The following ABTB3 variants were observed in gnomAD, a reference collection of about 807,000 sequenced individuals.
ABTB3 encodes ankyrin repeat- and BTB/POZ domain-containing protein 3.
the ABTB3 span, among the ~76,000 whole-genome samples, chr12:107,596,896 C>T: frequency 6.6e-6 from 1 of 152,140 alleles, no homozygotes; most frequent in Non-Finnish European, 1.5e-5. Context: ...TAAATAAAAG[C>T]AGAAAACAGC....
the ABTB3 span, among the ~76,000 whole-genome samples, chr12:107,576,083 C>T: frequency 6.6e-6 from 1 of 152,188 alleles, no homozygotes; most frequent in South Asian, 2.1e-4. Flanking sequence ...GCTTTGACCC[C>T]ATCCCCTACT....
chr12:107,439,959 T>C, the ABTB3 span, among the ~76,000 whole-genome samples: 1 of 152,250 alleles, frequency 6.6e-6, no homozygotes, highest in South Asian at 2.1e-4. Context: ...CTTCCCATTG[T>C]GCCTAGAATA....
At chr12:107,593,954 A>G in the ABTB3 span, among the ~76,000 whole-genome samples, 101 of 152,318 alleles carry the variant, frequency 6.6e-4, no homozygotes, top group African/African-American at 2.1e-3. Flanking sequence ...CATAGCTGCA[A>G]GAGATTCTGG....
At chr12:107,373,806 G>A in the ABTB3 span, among the ~76,000 whole-genome samples, 15 of 152,316 alleles carry the variant, frequency 9.8e-5, no homozygotes, top group South Asian at 1.7e-3. Flanking sequence ...GGATGGCCCC[G>A]TAACTCAGCA....
the ABTB3 span, among the ~76,000 whole-genome samples, chr12:107,380,745 T>C: frequency 6.6e-6 from 1 of 152,166 alleles, no homozygotes; most frequent in Non-Finnish European, 1.5e-5. Flanking sequence ...CAATAGTCTC[T>C]AAAACAGGGT....
At chr12:107,594,353 T>C in the ABTB3 span, among the ~76,000 whole-genome samples, 1 of 152,168 alleles carries the variant, frequency 6.6e-6, no homozygotes, top group Non-Finnish European at 1.5e-5. Context: ...CAGGAAGAAT[T>C]GGCAGGGAGG....
chr12:107,442,287 CG>C, the ABTB3 span, among the ~76,000 whole-genome samples: 1 of 152,016 alleles, frequency 6.6e-6, no homozygotes, highest in Admixed American at 6.6e-5. Flanking sequence ...CAGAGTAATT[CG>C]GGTCCTATTA....
chr12:107,454,672 C>T, the ABTB3 span, among the ~76,000 whole-genome samples: 10 of 152,222 alleles, frequency 6.6e-5, no homozygotes, highest in Middle Eastern at 3.4e-3. Context: ...GGCAGGCCCT[C>T]GAGTGGGTGG....
chr12:107,629,582 C>T, the ABTB3 span, among the ~76,000 whole-genome samples: 21 of 152,180 alleles, frequency 1.4e-4, no homozygotes, highest in African/African-American at 4.6e-4. Context: ...ATGCACTAAC[C>T]GGGTACTGTG....
chr12:107,345,490 C>A, the ABTB3 span, among the ~76,000 whole-genome samples: 1 of 151,828 alleles, frequency 6.6e-6, no homozygotes. Context: ...CCAACCCAAA[C>A]TCACTTAAGC....
the ABTB3 span, chr12:107,318,688 G>A: frequency 1.5e-5 from 7 of 470,646 alleles, no homozygotes; most frequent in South Asian, 1.3e-4. Flanking sequence ...CTTCCTTCCC[G>A]GCCTGGCTCG....
At chr12:107,369,026 C>T in the ABTB3 span, among the ~76,000 whole-genome samples, 7 of 152,158 alleles carry the variant, frequency 4.6e-5, no homozygotes, top group Admixed American at 3.3e-4. Flanking sequence ...ATATCACTTT[C>T]CACTCTGCCA....
At chr12:107,452,202 ATT>A in the ABTB3 span, among the ~76,000 whole-genome samples, 452 of 110,174 alleles carry the variant, frequency 4.1e-3, 1 homozygote, top group East Asian at 0.028. Flanking sequence ...GCCCATATGA[ATT>A]TTTTTTTTTT....
the ABTB3 span, among the ~76,000 whole-genome samples, chr12:107,534,659 A>G: frequency 6.6e-6 from 1 of 152,200 alleles, no homozygotes; most frequent in African/African-American, 2.4e-5. Context: ...ACTATTATGA[A>G]TAACTATACA....
At chr12:107,440,756 C>T in the ABTB3 span, among the ~76,000 whole-genome samples, 1 of 151,920 alleles carries the variant, frequency 6.6e-6, no homozygotes, top group African/African-American at 2.4e-5. Context: ...GGAAGGGAGG[C>T]AGGGAAATGA....
chr12:107,648,400 A>G, the ABTB3 span, among the ~76,000 whole-genome samples: 1 of 145,004 alleles, frequency 6.9e-6, no homozygotes, highest in Non-Finnish European at 1.5e-5. Context: ...ACACACACAC[A>G]CACACACACA....
the ABTB3 span, among the ~76,000 whole-genome samples, chr12:107,504,282 T>C: frequency 0.048 from 7,286 of 152,200 alleles, 571 homozygotes; most frequent in African/African-American, 0.16. Context: ...CTGCAAATGG[T>C]AGATTTATGC....
the ABTB3 span, among the ~76,000 whole-genome samples, chr12:107,325,372 A>G: frequency 1.3e-5 from 2 of 152,224 alleles, no homozygotes; most frequent in African/African-American, 4.8e-5. Context: ...CATCTTCTTA[A>G]GAGGAACAAC....
At chr12:107,626,579 A>G in the ABTB3 span, among the ~76,000 whole-genome samples, 1 of 151,710 alleles carries the variant, frequency 6.6e-6, no homozygotes, top group Non-Finnish European at 1.5e-5. Flanking sequence ...CGATCTCCTG[A>G]CCTCGTGATC....
Sources: gnomAD v4.1 joint callset for allele counts (sites outside exome capture counted in the v4.1 genomes callset) on GRCh38, gnomAD v4.1.1 for gene constraint, MANE v1.5 for transcripts, NCBI Gene and HGNC (gene_info 2026-07-23, HGNC 2026-07-21) for gene names.